NEDD4: variants seen among roughly 807,000 people sequenced by gnomAD.
The protein encoded by NEDD4 is E3 ubiquitin-protein ligase NEDD4.
NEDD4 carries 99 observed loss-of-function variants against 144.9 expected under a neutral mutation model. The observed-to-expected ratio is 0.68, with a 90% CI of 0.58 to 0.81. The LOEUF is 0.81. NEDD4 is among the 30% of genes least tolerant of loss of function. NEDD4 has a pLI of 0.00. For missense variants in NEDD4, 985 were observed against 1,065.9 expected, an observed-to-expected ratio of 0.92 and a Z score of 1.06; for synonymous variants, 318 against 350.6, an observed-to-expected ratio of 0.91 and a Z score of 1.04.
intron 4 of NEDD4, among the ~76,000 whole-genome samples, chr15:55,950,806 G>A (rs904059909): frequency 3.3e-5 from 5 of 152,168 alleles, no homozygotes; most frequent in Non-Finnish European, 5.9e-5. Context: ...ATAATCCAGA[G>A]AGGGGAAATT....
At chr15:55,916,927 A>C in intron 5 of NEDD4, 1 of 1,502,602 alleles carries the variant, frequency 6.7e-7, no homozygotes, top group South Asian at 1.4e-5. Flanking sequence ...TCAAAAGAAA[A>C]AATCATTTGT....
At chr15:55,906,125 G>A (rs1382411372) in intron 5 of NEDD4, among the ~76,000 whole-genome samples, 5 of 152,072 alleles carry the variant, frequency 3.3e-5, no homozygotes, top group African/African-American at 9.7e-5. Flanking sequence ...TAAAAAGTCA[G>A]GAAACAACAG....
At chr15:55,893,589 T>C (rs952099031) in intron 5 of NEDD4, among the ~76,000 whole-genome samples, 1 of 151,620 alleles carries the variant, frequency 6.6e-6, no homozygotes, top group Admixed American at 6.6e-5. Context: ...CATTTAATTT[T>C]TTTTTATTTG....
chr15:55,915,174 A>G, intron 5 of NEDD4: 5 of 938,152 alleles, frequency 5.3e-6, no homozygotes, highest in Middle Eastern at 3.4e-4. Flanking sequence ...ACTGCTAGCT[A>G]AGGACCAGGA....
chr15:55,935,988 T>C (rs987862381), intron 4 of NEDD4, among the ~76,000 whole-genome samples: 2 of 151,884 alleles, frequency 1.3e-5, no homozygotes, highest in Non-Finnish European at 2.9e-5. Flanking sequence ...GGGTCAAGCA[T>C]GACTTCTTTC....
At chr15:55,858,487 T>C (rs2034281554) in intron 11 of NEDD4, among the ~76,000 whole-genome samples, 1 of 152,166 alleles carries the variant, frequency 6.6e-6, no homozygotes, top group Non-Finnish European at 1.5e-5. Context: ...TTTGTATTTT[T>C]AGTAGTGACA....
intron 14 of NEDD4, among the ~76,000 whole-genome samples, chr15:55,850,021 C>T (rs1332981796): frequency 6.6e-6 from 1 of 152,050 alleles, no homozygotes; most frequent in East Asian, 1.9e-4. Context: ...TCTCGATCTC[C>T]ATCTCCTGAC....
At chr15:55,924,121 T>C (rs149996187) in intron 5 of NEDD4, among the ~76,000 whole-genome samples, 2 of 152,342 alleles carry the variant, frequency 1.3e-5, no homozygotes, top group African/African-American at 4.8e-5. Flanking sequence ...CTTTGCTTTT[T>C]GCTTCTGTAA....
chr15:55,915,892 T>A (rs2036424579), intron 5 of NEDD4: 1 of 1,614,018 alleles, frequency 6.2e-7, no homozygotes, highest in African/African-American at 1.3e-5. Context: ...CCTTTAGCAC[T>A]AGTGCCATCC....
chr15:55,882,167 C>T (rs936925676), intron 5 of NEDD4, among the ~76,000 whole-genome samples: 4 of 152,124 alleles, frequency 2.6e-5, no homozygotes, highest in African/African-American at 9.7e-5. Flanking sequence ...TGCAGAAACA[C>T]AAAATTTAAA....
chr15:55,929,801 A>T (rs1408098227), intron 4 of NEDD4, among the ~76,000 whole-genome samples: 1 of 152,182 alleles, frequency 6.6e-6, no homozygotes, highest in African/African-American at 2.4e-5. Flanking sequence ...ATAATTTAGG[A>T]AACAAAAGAA....
chr15:55,871,327 A>C (rs1164074398), intron 7 of NEDD4, among the ~76,000 whole-genome samples: 1 of 152,234 alleles, frequency 6.6e-6, no homozygotes, highest in Non-Finnish European at 1.5e-5. Flanking sequence ...AATGGGGCTC[A>C]CACAAATTTA....
intron 21 of NEDD4, among the ~76,000 whole-genome samples, chr15:55,840,185 G>GATAGACAGA (rs2033437743): frequency 6.6e-6 from 1 of 150,910 alleles, no homozygotes; most frequent in Non-Finnish European, 1.5e-5. Flanking sequence ...CAGACTGATG[G>GATAGACAGA]ATAGACAGAT....
chr15:55,962,216 T>G (rs1156476064), intron 2 of NEDD4, among the ~76,000 whole-genome samples: 1 of 152,244 alleles, frequency 6.6e-6, no homozygotes, highest in Non-Finnish European at 1.5e-5. Context: ...GCTTACTGTT[T>G]GCATGGCATA....
chr15:55,948,039 A>G (rs1345520733), intron 4 of NEDD4, among the ~76,000 whole-genome samples: 5 of 152,204 alleles, frequency 3.3e-5, no homozygotes, highest in African/African-American at 1.2e-4. Context: ...ACATGATTGT[A>G]TACTTAGAAA....
At position 55,916,286 on chromosome 15, in the gene NEDD4, A is replaced by C. The variant is rs773593500; in HGVS notation, c.291+8360T>G. The stretch of plus-strand genomic sequence containing the variant: ...TACTACTGTCACTGATGACACTGTT[A>C]GTATATGAACCTCCACTTGTGATAC... On this transcript the variant is annotated intron_variant, in intron 5 of 28. Transcript: ENST00000435532. The C allele has an allele frequency of 1.9e-6, 3 of 1,614,060 alleles. 1 individual carries two copies. The South Asian group carries it at 3.3e-5, about 18-fold the overall frequency.
intron 9 of NEDD4, among the ~76,000 whole-genome samples, chr15:55,861,833 A>G (rs148451260): frequency 6.6e-6 from 1 of 152,316 alleles, no homozygotes; most frequent in East Asian, 1.9e-4. Context: ...ATGCGACATG[A>G]GCTCAGGCTA....
At chr15:55,912,295 TA>T (rs1205713527) in intron 5 of NEDD4, among the ~76,000 whole-genome samples, 1 of 152,074 alleles carries the variant, frequency 6.6e-6, no homozygotes, top group Non-Finnish European at 1.5e-5. Flanking sequence ...GGAAGAACAA[TA>T]AAATAAGAAA....
chr15:55,936,424 A>C (rs1315609364), intron 4 of NEDD4, among the ~76,000 whole-genome samples: 1 of 151,196 alleles, frequency 6.6e-6, no homozygotes, highest in Non-Finnish European at 1.5e-5. Flanking sequence ...AATACAAAAG[A>C]AAAAAAAACA....
Sources: gnomAD v4.1 joint callset for allele counts (sites outside exome capture counted in the v4.1 genomes callset) on GRCh38, gnomAD v4.1.1 for gene constraint, MANE v1.5 for transcripts, NCBI Gene and HGNC (gene_info 2026-07-23, HGNC 2026-07-21) for gene names.